The following ARHGAP18 variants were observed in gnomAD, a reference collection of about 807,000 sequenced individuals.
The protein encoded by ARHGAP18 is Rho GTPase activating protein 18, also known as rho GTPase-activating protein 18.
A neutral mutation model predicts 86.2 loss-of-function variants in ARHGAP18; 67 were observed. The ratio of observed to expected loss-of-function variants is 0.78; its 90% CI spans 0.64 to 0.95. The LOEUF (loss-of-function observed/expected upper bound fraction) is 0.95, where lower values mean the gene tolerates loss of function less well. Ranked by LOEUF, ARHGAP18 falls within the 40% of genes least tolerant of loss-of-function variation. The probability of loss-of-function intolerance (pLI) is 0.00; values close to 1 mark genes in which losing one functional copy is unlikely to be tolerated. For synonymous variants in ARHGAP18, 283 were observed against 280.4 expected, an observed-to-expected ratio of 1.01 and a Z score of -0.09; for missense variants, 691 against 780.4, an observed-to-expected ratio of 0.89 and a Z score of 1.37.
In ARHGAP18 at chr6:129,584,242, T is replaced by G. The variant is rs529031895; in HGVS notation, c.1714-130A>C. The G allele has an allele frequency of 3.9e-6, 5 of 1,287,480 alleles. No homozygotes were observed. In the African/African-American group the frequency reaches 7.5e-5, roughly 19 times the overall value. 79.8% of individuals were successfully genotyped at this position (1,287,480 alleles called of 1,614,324 possible). ...CACTACATAAAAACCTTAACTACTG[T>G]ATAATGTAATTTGCAAAATTACATC... On this transcript the variant is annotated intron_variant, in intron 12 of 14. Coordinates refer to ENST00000368149, the MANE Select transcript of ARHGAP18 (RefSeq NM_033515.3).
At chr6:129,587,853 AACAT>A (rs1342923490) in intron 12 of ARHGAP18, among the ~76,000 whole-genome samples, 3 of 152,174 alleles carry the variant, frequency 2.0e-5, no homozygotes, top group Non-Finnish European at 2.9e-5. Context: ...CACATTTCAA[AACAT>A]AATCATGCCT....
intron 1 of ARHGAP18, among the ~76,000 whole-genome samples, chr6:129,668,752 C>A (rs1003880889): frequency 1.3e-5 from 2 of 152,174 alleles, no homozygotes; most frequent in Non-Finnish European, 1.5e-5. Context: ...GTCCTCCACT[C>A]GATCTCTAAA....
intron 1 of ARHGAP18, among the ~76,000 whole-genome samples, chr6:129,702,641 T>C (rs1774734880): frequency 6.6e-6 from 1 of 152,026 alleles, no homozygotes; most frequent in African/African-American, 2.4e-5. Context: ...ACAGGCCTCA[T>C]CACAGTGACA....
rs1213454999 is a variant in ARHGAP18 at position 129,587,485 on chromosome 6, A to G, written c.1714-3373T>C. Among the ~76,000 whole-genome samples, 3 of 152,312 alleles carry G rather than the reference A, an allele frequency of 2.0e-5. No homozygotes were observed. The East Asian group carries it at 5.8e-4, about 29-fold the overall frequency. On this transcript the variant is annotated intron_variant, in intron 12 of 14. Transcript: ENST00000368149. ...CTCGTGCTGCTATGAAGAAATACCC[A>G]AGACTAGGTAATTTATAAAGAAAAG...
chr6:129,698,234 G>A (rs997046443), intron 1 of ARHGAP18, among the ~76,000 whole-genome samples: 10 of 152,032 alleles, frequency 6.6e-5, no homozygotes, highest in Non-Finnish European at 1.3e-4. Flanking sequence ...GACCTTCACT[G>A]TTGTTTAAAC....
At chr6:129,666,131 C>T (rs1774030576) in intron 1 of ARHGAP18, among the ~76,000 whole-genome samples, 1 of 152,096 alleles carries the variant, frequency 6.6e-6, no homozygotes, top group Non-Finnish European at 1.5e-5. Flanking sequence ...GGAATAATGC[C>T]TCAGATCACG....
chr6:129,706,885 CAAA>C (rs34099358), intron 1 of ARHGAP18, among the ~76,000 whole-genome samples: 5 of 61,028 alleles, frequency 8.2e-5, no homozygotes, highest in Admixed American at 3.9e-4. Flanking sequence ...GACTCTGTCT[CAAA>C]AAAAAAAAAA....
intron 6 of ARHGAP18, 33 bp from the exon 7 acceptor site, chr6:129,616,336 T>TTATTATA: frequency 6.6e-7 from 1 of 1,515,478 alleles, no homozygotes; most frequent in Non-Finnish European, 9.1e-7. Context: ...TCCTCACTTT[T>TTATTATA]GTCAATCTAT....
At chr6:129,684,576 T>C (rs1465687718) in intron 1 of ARHGAP18, among the ~76,000 whole-genome samples, 4 of 152,192 alleles carry the variant, frequency 2.6e-5, no homozygotes, top group Non-Finnish European at 5.9e-5. Flanking sequence ...GTTTGTAAAT[T>C]TCATGGAAAC....
At chr6:129,629,925 T>C (rs1391375792) in intron 4 of ARHGAP18, among the ~76,000 whole-genome samples, 1 of 152,244 alleles carries the variant, frequency 6.6e-6, no homozygotes, top group Admixed American at 6.5e-5. Flanking sequence ...CTTGTAAAGC[T>C]AGTAATTTAC....
At chr6:129,681,920 A>G (rs1355033909) in intron 1 of ARHGAP18, among the ~76,000 whole-genome samples, 4 of 152,280 alleles carry the variant, frequency 2.6e-5, no homozygotes, top group Admixed American at 6.5e-5. Flanking sequence ...CAAAAAGTCT[A>G]TTGTTTCCTC....
intron 1 of ARHGAP18, among the ~76,000 whole-genome samples, chr6:129,704,949 G>A (rs559040202): frequency 3.3e-5 from 5 of 152,182 alleles, no homozygotes; most frequent in Admixed American, 6.5e-5. Context: ...TGCTCTCTGG[G>A]TGCTTGGTTT....
At chr6:129,581,252 G>A (rs1788283384) in intron 13 of ARHGAP18, among the ~76,000 whole-genome samples, 1 of 152,168 alleles carries the variant, frequency 6.6e-6, no homozygotes, top group Non-Finnish European at 1.5e-5. Flanking sequence ...TGGCTCATCT[G>A]GTTCTCCTCC....
intron 3 of ARHGAP18, 114 bp downstream of exon 3, chr6:129,638,280 G>A: frequency 9.6e-7 from 1 of 1,044,174 alleles, no homozygotes; most frequent in Non-Finnish European, 1.4e-6. Context: ...GAGCTTTGGT[G>A]CCTGGCATAG....
chr6:129,687,330 G>A lies in ARHGAP18; in HGVS notation c.113+22694C>T, dbSNP rs115037917. 2.3e-3 allele frequency among the ~76,000 whole-genome samples: 347 copies of A among 152,260 alleles called. 1 individual carries two copies. The highest frequency in any genetic ancestry group is 8.3e-3 in the African/African-American group (343 of 41,542). On this transcript the variant is annotated intron_variant, in intron 1 of 14. Transcript: ENST00000368149. ...CCAGAAACTACAAATGTTTGGAAATGCCAAGAGTCTGAGGATCTACTGACA... is the reference window on the plus strand; with the variant it reads ...CCAGAAACTACAAATGTTTGGAAATACCAAGAGTCTGAGGATCTACTGACA...
chr6:129,584,608 T>C (rs1788355142), intron 12 of ARHGAP18, among the ~76,000 whole-genome samples: 1 of 152,216 alleles, frequency 6.6e-6, no homozygotes. Context: ...GTTAATGAGC[T>C]CATGCTTTTT....
chr6:129,668,410 A>C (rs995695474), intron 1 of ARHGAP18, among the ~76,000 whole-genome samples: 1 of 151,404 alleles, frequency 6.6e-6, no homozygotes, highest in South Asian at 2.1e-4. Context: ...AGACACACAC[A>C]CCATTAAAAA....
At chr6:129,678,616 C>T (rs1774274706) in intron 1 of ARHGAP18, among the ~76,000 whole-genome samples, 1 of 152,138 alleles carries the variant, frequency 6.6e-6, no homozygotes, top group South Asian at 2.1e-4. Context: ...CTTGCCTGCA[C>T]ATTAGAATCA....
chr6:129,678,076 T>C (rs1216539543), intron 1 of ARHGAP18, among the ~76,000 whole-genome samples: 1 of 152,244 alleles, frequency 6.6e-6, no homozygotes, highest in Non-Finnish European at 1.5e-5. Flanking sequence ...TCCTTGTTGT[T>C]GTCAGATAAC....
Sources: allele counts gnomAD v4.1 joint callset (sites outside exome capture counted in the v4.1 genomes callset), GRCh38; gene constraint gnomAD v4.1.1; transcripts MANE v1.5; gene names NCBI Gene and HGNC (gene_info 2026-07-23, HGNC 2026-07-21).